The following COL25A1 variants were observed in gnomAD, a reference collection of about 807,000 sequenced individuals.
COL25A1 encodes the protein collagen alpha-1(XXV) chain.
A neutral mutation model predicts 128.4 loss-of-function variants in COL25A1; 103 were observed. That is an observed-to-expected ratio of 0.80 (90% CI 0.68 to 0.94). The LOEUF (loss-of-function observed/expected upper bound fraction) is 0.94, where lower values mean the gene tolerates loss of function less well. COL25A1 is among the 40% of genes least tolerant of loss of function. The pLI, the probability that COL25A1 is intolerant of heterozygous loss-of-function variation, is 0.00. For synonymous variants in COL25A1, 279 were observed against 277.2 expected, an observed-to-expected ratio of 1.01 and a Z score of -0.06; for missense variants, 745 against 840.0, an observed-to-expected ratio of 0.89 and a Z score of 1.40.
intron 35 of COL25A1, 42 bp downstream of exon 35, chr4:108,824,132 G>T: frequency 6.2e-7 from 1 of 1,613,960 alleles, no homozygotes. Context: ...CAGACAGCAG[G>T]AGAAGAATCA....
At chr4:108,849,454 A>G (rs1011821325) in intron 26 of COL25A1, among the ~76,000 whole-genome samples, 11 of 152,354 alleles carry the variant, frequency 7.2e-5, no homozygotes, top group Admixed American at 1.3e-4. Flanking sequence ...GTTATGATTT[A>G]TAAGGATTTT....
At chr4:108,853,135 A>T (rs1563002) in intron 24 of COL25A1, among the ~76,000 whole-genome samples, 152,228 of 152,276 alleles carry the variant, frequency 1, 76,090 homozygotes, top group Non-Finnish European at 1. Flanking sequence ...AATCCTATTT[A>T]AAAAATCTAT....
intron 3 of COL25A1, among the ~76,000 whole-genome samples, chr4:109,131,160 G>C (rs1045885897): frequency 2.0e-5 from 3 of 151,124 alleles, no homozygotes; most frequent in Non-Finnish European, 4.4e-5. Context: ...AATCTCATCA[G>C]TAATGTTTTT....
Position 109,198,294 on chromosome 4 carries a change from TCACA to T in COL25A1, c.367+102285_367+102288del, listed in dbSNP as rs112993547. On this transcript the variant is annotated intron_variant, in intron 3 of 37. Coordinates refer to ENST00000399132, the MANE Select transcript of COL25A1 (RefSeq NM_198721.4). ...ACCACATCAGACTCTGCATATTCAT[TCACA>T]CACACACACACACACACACACACAC... Among the ~76,000 whole-genome samples, 1,349 of 144,016 alleles carry T rather than the reference TCACA, an allele frequency of 9.4e-3. 13 individuals carry two copies. Among genetic ancestry groups the T allele is most frequent in the African/African-American group, 0.018 (705 of 38,898 alleles). The allele number at this position is 144,016 out of a possible 152,430, so 94.5% of individuals were successfully genotyped here.
intron 3 of COL25A1, among the ~76,000 whole-genome samples, chr4:109,223,204 A>G (rs1446816298): frequency 6.6e-6 from 1 of 152,156 alleles, no homozygotes; most frequent in African/African-American, 2.4e-5. Context: ...CTGTTACTGT[A>G]GATATTTTTA....
intron 9 of COL25A1, 92 bp downstream of exon 9, chr4:108,941,274 C>A (rs1748055528): frequency 1.0e-6 from 1 of 974,586 alleles, no homozygotes. Flanking sequence ...CACCCACACC[C>A]CACCCATAAG....
intron 8 of COL25A1, among the ~76,000 whole-genome samples, chr4:108,957,764 G>A (rs1750238314): frequency 6.6e-6 from 1 of 152,138 alleles, no homozygotes; most frequent in Non-Finnish European, 1.5e-5. Flanking sequence ...GGTGAAGTGG[G>A]TTTGTTTTGC....
intron 19 of COL25A1, among the ~76,000 whole-genome samples, chr4:108,874,405 C>T (rs562618545): frequency 1.3e-5 from 2 of 151,998 alleles, no homozygotes; most frequent in South Asian, 2.1e-4. Context: ...GAAACTGGAA[C>T]TATAATGGAG....
chr4:109,147,047 T>C (rs756767377), intron 3 of COL25A1, among the ~76,000 whole-genome samples: 3 of 152,164 alleles, frequency 2.0e-5, no homozygotes, highest in Non-Finnish European at 2.9e-5. Flanking sequence ...GTATTCTCTA[T>C]GAGAGGAGGC....
chr4:108,916,543 CG>C (rs1184227462), intron 13 of COL25A1, among the ~76,000 whole-genome samples: 2 of 151,944 alleles, frequency 1.3e-5, no homozygotes, highest in Non-Finnish European at 2.9e-5. Flanking sequence ...GAAACAAAGA[CG>C]AAAAAGGAAA....
At chr4:109,284,839 G>GAA (rs5860979) in intron 3 of COL25A1, among the ~76,000 whole-genome samples, 3,587 of 124,202 alleles carry the variant, frequency 0.029, 125 homozygotes, top group African/African-American at 0.08. Context: ...CCCCACCCAG[G>GAA]AAAAAAAAAA....
intron 3 of COL25A1, among the ~76,000 whole-genome samples, chr4:109,192,613 G>A (rs1311021427): frequency 6.6e-6 from 1 of 152,194 alleles, no homozygotes; most frequent in Non-Finnish European, 1.5e-5. Context: ...CCAGCACTTT[G>A]GGAGGTCGAG....
chr4:109,026,924 G>A (rs555589901), intron 5 of COL25A1, among the ~76,000 whole-genome samples: 1 of 152,214 alleles, frequency 6.6e-6, no homozygotes, highest in Non-Finnish European at 1.5e-5. Context: ...AGATCAATTT[G>A]CTGTACAGAG....
At chr4:109,216,185 G>A (rs543384832) in intron 3 of COL25A1, among the ~76,000 whole-genome samples, 13 of 152,022 alleles carry the variant, frequency 8.6e-5, no homozygotes, top group East Asian at 3.9e-4. Context: ...CACTCTATCC[G>A]GTGTTCCTAC....
intron 5 of COL25A1, 95 bp from the exon 6 acceptor site, chr4:109,010,470 C>G: frequency 1.2e-6 from 1 of 848,430 alleles, no homozygotes. Context: ...GAAATATTCA[C>G]AAATATTTCT....
chr4:108,982,744 A>G (rs943067631), intron 6 of COL25A1, among the ~76,000 whole-genome samples: 2 of 152,076 alleles, frequency 1.3e-5, no homozygotes, highest in African/African-American at 4.8e-5. Flanking sequence ...AAATATCAAA[A>G]CCAGCCTCAC....
intron 3 of COL25A1, among the ~76,000 whole-genome samples, chr4:109,062,999 C>T (rs1018478569): frequency 6.6e-6 from 1 of 152,194 alleles, no homozygotes; most frequent in African/African-American, 2.4e-5. Flanking sequence ...ATGCCATCAA[C>T]ACTTTATGTG....
At chr4:108,826,701 T>C (rs1732429674) in intron 33 of COL25A1, among the ~76,000 whole-genome samples, 2 of 152,186 alleles carry the variant, frequency 1.3e-5, no homozygotes, top group South Asian at 4.1e-4. Context: ...CTAGCAAGAG[T>C]CATTTTAGTA....
intron 8 of COL25A1, among the ~76,000 whole-genome samples, chr4:108,960,494 G>T (rs1169963135): frequency 6.6e-6 from 1 of 152,076 alleles, no homozygotes; most frequent in East Asian, 1.9e-4. Flanking sequence ...TCAATGCTAT[G>T]TTCTCAAAGC....
Sources: gnomAD v4.1 joint callset for allele counts (sites outside exome capture counted in the v4.1 genomes callset) on GRCh38, gnomAD v4.1.1 for gene constraint, MANE v1.5 for transcripts, NCBI Gene and HGNC (gene_info 2026-07-23, HGNC 2026-07-21) for gene names.